The following ASCC3 variants were observed in gnomAD, a reference collection of about 807,000 sequenced individuals.
ASCC3 encodes activating signal cointegrator 1 complex subunit 3.
A neutral mutation model predicts 256.3 loss-of-function variants in ASCC3; 158 were observed. The ratio of observed to expected loss-of-function variants is 0.62; its 90% confidence interval spans 0.54 to 0.70. The LOEUF (loss-of-function observed/expected upper bound fraction) is 0.70, where lower values mean the gene tolerates loss of function less well. ASCC3 is among the 30% of genes least tolerant of loss of function. The pLI, the probability that ASCC3 is intolerant of heterozygous loss-of-function variation, is 0.00. For synonymous variants in ASCC3, 948 were observed against 883.4 expected, an observed-to-expected ratio of 1.07 and a Z score of -1.30; for missense variants, 2,259 against 2,626.0, an observed-to-expected ratio of 0.86 and a Z score of 3.05.
chr6:100,541,153 C>T (rs1775441940), intron 36 of ASCC3, among the ~76,000 whole-genome samples: 1 of 151,894 alleles, frequency 6.6e-6, no homozygotes, highest in Non-Finnish European at 1.5e-5. Context: ...TCATATTTTT[C>T]CAAATATGTA....
intron 4 of ASCC3, among the ~76,000 whole-genome samples, chr6:100,818,568 CAAAA>C (rs529493065): frequency 2.9e-5 from 3 of 103,212 alleles, no homozygotes; most frequent in Admixed American, 1.1e-4. Flanking sequence ...GACTCCGTCT[CAAAA>C]AAAAAAAAAA....
intron 39 of ASCC3, among the ~76,000 whole-genome samples, 175 bp from the exon 40 acceptor site, chr6:100,513,093 T>C (rs2114604251): frequency 6.6e-6 from 1 of 152,330 alleles, no homozygotes. Flanking sequence ...TTTACCCAGT[T>C]TCCTCCAAAG....
At chr6:100,638,867 C>T (rs745396211) in intron 24 of ASCC3, 46 bp from the exon 25 acceptor site, 1 of 1,400,084 alleles carries the variant, frequency 7.1e-7, no homozygotes, top group East Asian at 2.3e-5. Context: ...GAAAAACACG[C>T]ATAATACTGA....
chr6:100,585,342 G>C (rs1192594400), intron 36 of ASCC3, among the ~76,000 whole-genome samples: 1 of 151,742 alleles, frequency 6.6e-6, no homozygotes, highest in African/African-American at 2.4e-5. Flanking sequence ...ATCTTCCATC[G>C]CTGATACCCT....
intron 20 of ASCC3, among the ~76,000 whole-genome samples, chr6:100,649,927 T>C (rs1309052793): frequency 1.3e-5 from 2 of 151,602 alleles, no homozygotes; most frequent in African/African-American, 4.8e-5. Flanking sequence ...CACAAATATT[T>C]GAACAGTTTA....
chr6:100,629,283 A>C lies in ASCC3; in HGVS notation c.4209-102T>G, dbSNP rs578023775. On this transcript the variant is annotated intron_variant, in intron 26 of 41. Coordinates refer to ENST00000369162, the MANE Select transcript of ASCC3 (RefSeq NM_006828.4). ...TTTAAAATAAAATTTTATAAGGCTT[A>C]AAATTACTTTATCTACCTTTGATTT... 63 of 1,082,740 alleles carry C rather than the reference A, an allele frequency of 5.8e-5. No homozygotes were observed. The African/African-American group carries it at 8.9e-4, about 15-fold the overall frequency. 67.1% of individuals were successfully genotyped at this position (1,082,740 alleles called of 1,614,324 possible).
At chr6:100,513,135 C>T (rs1241406633) in intron 39 of ASCC3, among the ~76,000 whole-genome samples, 1 of 152,186 alleles carries the variant, frequency 6.6e-6, no homozygotes, top group African/African-American at 2.4e-5. Context: ...GTACTTATTA[C>T]TACTAGGATA....
chr6:100,755,544 G>A (rs1439717326), intron 10 of ASCC3, among the ~76,000 whole-genome samples: 3 of 151,880 alleles, frequency 2.0e-5, no homozygotes, highest in African/African-American at 7.3e-5. Flanking sequence ...ATATTGACAT[G>A]AATTAGGAAT....
At chr6:100,642,824 T>G in intron 23 of ASCC3, 75 bp from the exon 24 acceptor site, 1 of 1,290,430 alleles carries the variant, frequency 7.7e-7, no homozygotes. Context: ...ATTGTTAAGA[T>G]AACGGTATCT....
At chr6:100,735,166 T>C (rs1780090876) in intron 10 of ASCC3, among the ~76,000 whole-genome samples, 1 of 152,216 alleles carries the variant, frequency 6.6e-6, no homozygotes, top group Admixed American at 6.5e-5. Flanking sequence ...AATAGGAAAA[T>C]ATTCCCCGAG....
Position 100,799,538 on chromosome 6 carries a change from T to C in ASCC3, c.1162A>G (p.Ile388Val). Residue 388 changes from isoleucine to valine, a missense_variant, in exon 7 of 42, where the codon ATT becomes GTT. Coordinates refer to ENST00000369162, the MANE Select transcript of ASCC3 (RefSeq NM_006828.4). The stretch of plus-strand genomic sequence containing the variant: ...TCTGCATCTCTCTGCCTGCTCAGAA[T>C]TGGAACACTTCTAGCATTCAGAAGT... ...QALLNARSVP[I>V]LSRQRDADVE... is the part of the protein sequence containing the mutation. The C allele has an allele frequency of 6.2e-7, 1 of 1,612,900 alleles. No homozygotes were observed. Among genetic ancestry groups the C allele is most frequent in the Non-Finnish European group, 8.5e-7 (1 of 1,179,432 alleles).
rs533990952 is a variant in ASCC3, at chr6:100,836,197, C to CG, written c.801+11950dup. ...AAGATTGGATCATGTTGTCTGCAAA[C>CG]GGGGACAATTTAACTCCTTCCTTCC... On this transcript the variant is annotated intron_variant, in intron 4 of 41. Transcript: ENST00000369162. Among the ~76,000 whole-genome samples the CG allele has an allele frequency of 1.2e-3, 183 of 152,080 alleles. 1 individual carries two copies. Among genetic ancestry groups the CG allele is most frequent in the African/African-American group, 4.4e-3 (181 of 41,512 alleles).
intron 8 of ASCC3, among the ~76,000 whole-genome samples, chr6:100,771,731 T>C (rs925100202): frequency 6.6e-6 from 1 of 151,966 alleles, no homozygotes; most frequent in Non-Finnish European, 1.5e-5. Flanking sequence ...ATGGCTAACA[T>C]TTAAAAAATT....
intron 8 of ASCC3, among the ~76,000 whole-genome samples, chr6:100,790,351 G>A (rs1441436090): frequency 1.3e-5 from 2 of 151,918 alleles, no homozygotes; most frequent in African/African-American, 2.4e-5. Flanking sequence ...GCTTCTTAAA[G>A]CCAGGATCAT....
chr6:100,781,081 T>C (rs1782423980), intron 8 of ASCC3, among the ~76,000 whole-genome samples: 1 of 152,202 alleles, frequency 6.6e-6, no homozygotes, highest in Non-Finnish European at 1.5e-5. Context: ...AAGCAAATAC[T>C]CAGTGATGTT....
intron 8 of ASCC3, among the ~76,000 whole-genome samples, chr6:100,787,163 C>T (rs140527787): frequency 0.015 from 2,302 of 152,016 alleles, 23 homozygotes; most frequent in Non-Finnish European, 0.022. Flanking sequence ...GGCTGTCACT[C>T]CCATGATTAT....
At chr6:100,753,860 A>C (rs768666077) in intron 10 of ASCC3, among the ~76,000 whole-genome samples, 70 of 152,196 alleles carry the variant, frequency 4.6e-4, no homozygotes, top group Non-Finnish European at 9.6e-4. Context: ...CATTAGGCCT[A>C]AGGTAACAGG....
intron 4 of ASCC3, among the ~76,000 whole-genome samples, chr6:100,833,177 G>C (rs570990051): frequency 7.9e-5 from 12 of 151,966 alleles, no homozygotes; most frequent in African/African-American, 2.9e-4. Flanking sequence ...TCTTAAATGC[G>C]TAATGCTAAG....
At chr6:100,865,903 C>G (rs551877441) in intron 2 of ASCC3, among the ~76,000 whole-genome samples, 9 of 152,062 alleles carry the variant, frequency 5.9e-5, no homozygotes, top group African/African-American at 2.2e-4. Flanking sequence ...TTATATGAAA[C>G]CTGTTATTAT....
Sources: gnomAD v4.1 joint callset for allele counts (sites outside exome capture counted in the v4.1 genomes callset) on GRCh38, gnomAD v4.1.1 for gene constraint, MANE v1.5 for transcripts, NCBI Gene and HGNC (gene_info 2026-07-23, HGNC 2026-07-21) for gene names.